The following ANPEP variants were observed in gnomAD, a reference collection of about 807,000 sequenced individuals.
ANPEP encodes the protein alanyl aminopeptidase, membrane.
A neutral mutation model predicts 114.6 loss-of-function variants in ANPEP; 70 were observed. That is an observed-to-expected ratio of 0.61 (90% CI 0.50 to 0.75). ANPEP has a LOEUF of 0.75. Ranked by LOEUF, ANPEP falls within the 30% of genes least tolerant of loss-of-function variation. ANPEP has a pLI of 0.00. For synonymous variants in ANPEP, 548 were observed against 522.3 expected, an observed-to-expected ratio of 1.05 and a Z score of -0.67; for missense variants, 1,184 against 1,259.5, an observed-to-expected ratio of 0.94 and a Z score of 0.91.
intron 11 of ANPEP, 32 bp from the exon 12 acceptor site, chr15:89,801,219 T>A: frequency 6.2e-7 from 1 of 1,611,080 alleles, no homozygotes; most frequent in Non-Finnish European, 8.5e-7. Context: ...TGGTGAGAGA[T>A]GGCGGTGTGG....
chr15:89,800,644 C>A (rs562954259), intron 12 of ANPEP, among the ~76,000 whole-genome samples: 2 of 151,098 alleles, frequency 1.3e-5, no homozygotes, highest in Admixed American at 6.6e-5. Context: ...TCACTGCAAC[C>A]TCTGCCTCCC....
At chr15:89,805,279 G>T (rs1326626640) in intron 3 of ANPEP, 42 bp downstream of exon 3, 2 of 1,613,102 alleles carry the variant, frequency 1.2e-6, no homozygotes, top group Admixed American at 3.3e-5. Context: ...AGCCCAGGGT[G>T]CCTGCCCCCT....
intron 20 of ANPEP, among the ~76,000 whole-genome samples, chr15:89,786,268 G>T (rs530483073): frequency 1.3e-5 from 2 of 151,674 alleles, no homozygotes; most frequent in Admixed American, 1.3e-4. Context: ...GAACACCTAA[G>T]TAAAAAGAAA....
At chr15:89,793,585 C>T (rs947343930) in intron 15 of ANPEP, among the ~76,000 whole-genome samples, 4 of 151,808 alleles carry the variant, frequency 2.6e-5, no homozygotes, top group Non-Finnish European at 5.9e-5. Context: ...CACCTGTATT[C>T]CCAGCTACTT....
intron 15 of ANPEP, among the ~76,000 whole-genome samples, chr15:89,795,004 T>A (rs975551330): frequency 4.0e-5 from 6 of 151,754 alleles, no homozygotes; most frequent in African/African-American, 1.5e-4. Context: ...TTTGTTTGTG[T>A]CTGTCTCAAA....
chr15:89,792,713 C>A, intron 16 of ANPEP, 151 bp from the exon 17 acceptor site: 1 of 723,228 alleles, frequency 1.4e-6, no homozygotes, highest in Non-Finnish European at 2.3e-6. Flanking sequence ...TGCCTTGGGC[C>A]TGAGGTTCCT....
chr15:89,808,148 C>T (rs938616349), intron 1 of ANPEP, among the ~76,000 whole-genome samples: 2 of 152,208 alleles, frequency 1.3e-5, no homozygotes, highest in Non-Finnish European at 2.9e-5. Flanking sequence ...CTGGCCTCTT[C>T]CCCCCTGTTG....
chr15:89,803,970 C>G lies in ANPEP; in HGVS notation c.1212G>C (p.Trp404Cys), dbSNP rs749967120. ...WFGNLVTIEW[W>C]NDLWLNEGFA... ...AGCCCTCGTTCAGCCACAGGTCATT[C>G]CACCACTCTATGGTCACCAGGTTCC... The change falls in exon 7 of 21, where the codon TGG (tryptophan) becomes TGC (cysteine). Residue 404 changes from tryptophan to cysteine, a missense_variant. Trp to Cys is a radical substitution (Grantham distance 215, BLOSUM62 -2). Coordinates refer to ENST00000300060, the MANE Select transcript of ANPEP (RefSeq NM_001150.3). The surrounding 1 kb of genome is among the most constrained non-coding windows in gnomAD (Gnocchi z 4.2). 6.2e-6 allele frequency: 10 copies of G among 1,613,982 alleles called. No homozygotes were observed. The highest frequency in any genetic ancestry group is 8.5e-7 in the Non-Finnish European group (1 of 1,179,956).
chr15:89,795,806 A>T (rs554477004), intron 15 of ANPEP, among the ~76,000 whole-genome samples: 4 of 152,304 alleles, frequency 2.6e-5, no homozygotes, highest in South Asian at 4.1e-4. Context: ...GAGGGGAAAA[A>T]ATCAAAGAAT....
In ANPEP at chr15:89,810,518, C is replaced by T. The variant is rs140117399; in HGVS notation, c.-223-3712G>A. Reference sequence around the variant, plus strand: ...CCCAAGAGGTGGAGGTTGCAGTGGGCGGAGATCGTGCCACTACACTCCAGT... The same window carrying T: ...CCCAAGAGGTGGAGGTTGCAGTGGGTGGAGATCGTGCCACTACACTCCAGT... On this transcript the variant is annotated intron_variant, in intron 1 of 20. Coordinates refer to ENST00000300060, the MANE Select transcript of ANPEP (RefSeq NM_001150.3). Among the ~76,000 whole-genome samples, 1,114 of 151,754 alleles carry T rather than the reference C, an allele frequency of 7.3e-3. 10 individuals are homozygous for T. Among genetic ancestry groups the T allele is most frequent in the African/African-American group, 0.024 (997 of 41,326 alleles).
Position 89,805,374 on chromosome 15 carries a change from A to C in ANPEP, c.704T>G (p.Ile235Ser), listed in dbSNP as rs758702174. Residue 235 changes from isoleucine to serine, a missense_variant, in exon 3 of 21, where the codon ATC becomes AGC. By Grantham distance (142) the Ile-to-Ser change is moderately radical (BLOSUM62 -2). Coordinates refer to ENST00000300060, the MANE Select transcript of ANPEP (RefSeq NM_001150.3). ...DEPAMKAEFNITLIHPKDLTA... is the reference protein window; with the variant it reads ...DEPAMKAEFNSTLIHPKDLTA... ...CAGGTCCTTGGGGTGGATAAGCGTGATGTTGAACTCGGCCTTCATGGCCGG... is the reference window on the plus strand; with the variant it reads ...CAGGTCCTTGGGGTGGATAAGCGTGCTGTTGAACTCGGCCTTCATGGCCGG... 1.2e-6 allele frequency: 2 copies of C among 1,614,150 alleles called. No homozygotes were observed. The highest frequency in any genetic ancestry group is 3.3e-5 in the Admixed American group (2 of 60,016).
In ANPEP at chr15:89,804,244, G is replaced by A. The variant is rs757513685; in HGVS notation, c.1179+9C>T. ...TTCCTTCTCCGCACTCCCCGAGATG[G>A]GGGTCTACCTGGTGGGCCAGCTCAT... On this transcript the variant is annotated intron_variant, in intron 6 of 20. Transcript: ENST00000300060. The A allele has an allele frequency of 6.8e-6, 11 of 1,613,954 alleles. No individual in the cohort carries two copies. The highest frequency in any genetic ancestry group is 4.4e-5 in the South Asian group (4 of 91,084).
intron 1 of ANPEP, among the ~76,000 whole-genome samples, chr15:89,807,630 G>A (rs1382351127): frequency 1.3e-5 from 2 of 152,170 alleles, no homozygotes; most frequent in African/African-American, 4.8e-5. Context: ...GAATCCGGGA[G>A]GCAGAGATTG....
At position 89,801,466 on chromosome 15, in the gene ANPEP, C is replaced by G. The variant is rs200223672; in HGVS notation, c.1711G>C (p.Asp571His). The G allele has an allele frequency of 1.9e-6, 3 of 1,614,056 alleles. No individual in the cohort carries two copies. Among genetic ancestry groups the G allele is most frequent in the Middle Eastern group, 1.6e-4 (1 of 6,084 alleles). The change falls in exon 11 of 21, where the codon GAT (aspartate) becomes CAT (histidine). Residue 571 changes from aspartate to histidine, a missense_variant. Asp to His is a moderately conservative substitution (Grantham distance 81, BLOSUM62 -1). Coordinates refer to ENST00000300060, the MANE Select transcript of ANPEP (RefSeq NM_001150.3). ...TCTGAGGGGCGGGTAACATTGGAAT[C>G]GGGGTCAAGGAGGAAGTGCTCCTGG... ...LSQEHFLLDPDSNVTRPSEFN... is the reference protein window; with the variant it reads ...LSQEHFLLDPHSNVTRPSEFN...
chr15:89,804,057 C>A (rs1596168631), intron 6 of ANPEP, 55 bp from the exon 7 acceptor site: 2 of 1,590,864 alleles, frequency 1.3e-6, no homozygotes, highest in South Asian at 1.1e-5. Context: ...CACTGAGAAT[C>A]CCCAGAACTA....
intron 1 of ANPEP, among the ~76,000 whole-genome samples, chr15:89,807,556 G>T (rs188614963): frequency 6.6e-6 from 1 of 152,280 alleles, no homozygotes; most frequent in Non-Finnish European, 1.5e-5. Flanking sequence ...AAAAAAATTA[G>T]TTGGGCGTGG....
Position 89,804,726 on chromosome 15 carries a change from T to C in ANPEP, c.898-109A>G, listed in dbSNP as rs933486911. On this transcript the variant is annotated intron_variant, in intron 4 of 20. Transcript: ENST00000300060. The stretch of plus-strand genomic sequence containing the variant: ...GGGGGGATCCCTGATGGGCCAGGGC[T>C]GGAGGCCAATCAAGCTAAACCTAGA... 1.2e-5 allele frequency: 17 copies of C among 1,452,518 alleles called. No individual in the cohort carries two copies. The South Asian group carries it at 2.2e-4, about 19-fold the overall frequency. 90.0% of individuals were successfully genotyped at this position (1,452,518 alleles called of 1,614,324 possible).
rs774559825 is a variant in ANPEP at position 89,799,473 on chromosome 15, C to G, written c.1906G>C (p.Glu636Gln). Residue 636 changes from glutamate to glutamine, a missense_variant, in exon 13 of 21, where the codon GAA becomes CAA. Transcript: ENST00000300060. The surrounding 1 kb of genome is among the most constrained non-coding windows in gnomAD (Gnocchi z 4.2). ...VTGYYRVNYD[E>Q]ENWRKIQTQL... ...GTCTGAATCTTCCTCCAGTTCTCTTCGTCGTAGTTCACCCGGTAATAGCCC... is the reference window on the plus strand; with the variant it reads ...GTCTGAATCTTCCTCCAGTTCTCTTGGTCGTAGTTCACCCGGTAATAGCCC... 6.2e-7 allele frequency: 1 copy of G among 1,614,152 alleles called. No homozygotes were observed. The highest frequency in any genetic ancestry group is 8.5e-7 in the Non-Finnish European group (1 of 1,180,036).
chr15:89,806,035 C>T lies in ANPEP; in HGVS notation c.549G>A (p.Glu183=), dbSNP rs1281388718. Residue 183 remains glutamate, a synonymous_variant, in exon 2 of 21, where the codon GAG becomes GAA. Transcript: ENST00000300060. The surrounding 1 kb of genome is among the most constrained non-coding windows in gnomAD (Gnocchi z 5.7). ...CCGCCAGGTCATCTGCCAACTCCCC[C>T]TCGAACTCGCTGTCCATCTCATACT... is the stretch of plus-strand genomic sequence containing the variant. ...DSQYEMDSEF[E]GELADDLAGF... The T allele has an allele frequency of 6.2e-7, 1 of 1,612,156 alleles. No individual in the cohort carries two copies. Among genetic ancestry groups the T allele is most frequent in the Non-Finnish European group, 8.5e-7 (1 of 1,178,376 alleles).
Sources: gnomAD v4.1 joint callset for allele counts (sites outside exome capture counted in the v4.1 genomes callset) on GRCh38, gnomAD v4.1.1 for gene constraint, Gnocchi (gnomAD v3.1) non-coding constraint, MANE v1.5 for transcripts, NCBI Gene and HGNC (gene_info 2026-07-23, HGNC 2026-07-21) for gene names.